TBC1D30: variants seen among roughly 807,000 people sequenced by gnomAD.
TBC1D30 encodes TBC1 domain family member 30, also known as TBC1 domain family, member 30.
In TBC1D30, 31 loss-of-function variants were observed where a neutral mutation model predicts 63.2. The ratio of observed to expected loss-of-function variants is 0.49; its 90% CI spans 0.37 to 0.66. The LOEUF (loss-of-function observed/expected upper bound fraction) is 0.66, where lower values mean the gene tolerates loss of function less well. Among genes scored for constraint, TBC1D30 ranks in the 30% least tolerant of loss-of-function variants. The probability of loss-of-function intolerance (pLI) is 0.00; values close to 1 mark genes in which losing one functional copy is unlikely to be tolerated. For synonymous variants in TBC1D30, 307 were observed against 361.5 expected (o/e 0.85, Z 1.71); for missense variants, 810 against 953.6 (o/e 0.85, Z 1.98).
chr12:64,863,806 T>TA (rs1877989320), intron 8 of TBC1D30, among the ~76,000 whole-genome samples: 1 of 152,182 alleles, frequency 6.6e-6, no homozygotes, highest in African/African-American at 2.4e-5. Flanking sequence ...CCTGCTGAAA[T>TA]AAAAAATACC....
chr12:64,860,792 G>C (rs1449999419), intron 8 of TBC1D30, among the ~76,000 whole-genome samples: 1 of 152,176 alleles, frequency 6.6e-6, no homozygotes, highest in South Asian at 2.1e-4. Flanking sequence ...TGAGCAACTT[G>C]TTGGTTTCTC....
At chr12:64,769,679 C>T (rs1300663657) in intron 1 of TBC1D30, among the ~76,000 whole-genome samples, 1 of 151,656 alleles carries the variant, frequency 6.6e-6, no homozygotes. Context: ...AGCCACCGCA[C>T]CTGGCCTAAT....
chr12:64,775,780 C>T (rs111386256), upstream of TBC1D30, among the ~76,000 whole-genome samples: 6 of 152,164 alleles, frequency 3.9e-5, no homozygotes, highest in Non-Finnish European at 1.5e-5. Context: ...TCAAATGGAC[C>T]TGATAGATAT....
intron 6 of TBC1D30, among the ~76,000 whole-genome samples, chr12:64,838,283 C>G (rs1193035310): frequency 6.6e-6 from 1 of 152,150 alleles, no homozygotes; most frequent in East Asian, 1.9e-4. Context: ...GCAATTTATT[C>G]TTATCAAAGC....
At chr12:64,830,949 C>A (rs1268956192) in intron 4 of TBC1D30, among the ~76,000 whole-genome samples, 1 of 152,170 alleles carries the variant, frequency 6.6e-6, no homozygotes, top group Non-Finnish European at 1.5e-5. Context: ...CAACCAAATA[C>A]TTGTGGGTTC....
chr12:64,787,020 C>T (rs1039777968), intron 2 of TBC1D30, among the ~76,000 whole-genome samples: 7 of 152,032 alleles, frequency 4.6e-5, no homozygotes, highest in African/African-American at 1.7e-4. Context: ...AAAGGCATGT[C>T]CTTTTTCTCT....
intron 2 of TBC1D30, among the ~76,000 whole-genome samples, chr12:64,819,486 G>T (rs933744890): frequency 6.9e-6 from 1 of 144,620 alleles, no homozygotes; most frequent in South Asian, 2.2e-4. Flanking sequence ...GCATGATCTC[G>T]GCTCACTGCA....
intron 2 of TBC1D30, among the ~76,000 whole-genome samples, chr12:64,804,388 G>A (rs1159830746): frequency 6.6e-6 from 1 of 152,180 alleles, no homozygotes; most frequent in East Asian, 1.9e-4. Flanking sequence ...GAGATTTTGG[G>A]CTGAGATGAT....
At chr12:64,783,323 G>A (rs1871386096) in intron 1 of TBC1D30, among the ~76,000 whole-genome samples, 1 of 152,132 alleles carries the variant, frequency 6.6e-6, no homozygotes. Flanking sequence ...TGTGACCTTG[G>A]ACAAGCTATT....
At chr12:64,814,252 G>A (rs1201516811) in intron 2 of TBC1D30, among the ~76,000 whole-genome samples, 1 of 152,070 alleles carries the variant, frequency 6.6e-6, no homozygotes, top group Non-Finnish European at 1.5e-5. Flanking sequence ...GTGCCATGTT[G>A]GCTAGGCTGG....
At chr12:64,820,128 C>T (rs1001526481), upstream of TBC1D30, among the ~76,000 whole-genome samples, 2 of 152,226 alleles carry the variant, frequency 1.3e-5, no homozygotes, top group Admixed American at 6.5e-5. Flanking sequence ...AAGATAAGCA[C>T]GTAGGCCCTT....
At chr12:64,868,079 GA>G in intron 10 of TBC1D30, 1 of 163,594 alleles carries the variant, frequency 6.1e-6, no homozygotes. Context: ...AGGGTCACAG[GA>G]AGTTATTGGC....
chr12:64,873,114 CA>C (rs1210508181), intron 11 of TBC1D30, among the ~76,000 whole-genome samples: 1 of 152,020 alleles, frequency 6.6e-6, no homozygotes, highest in Non-Finnish European at 1.5e-5. Context: ...GAACTAGAGG[CA>C]AAAAGACCTT....
chr12:64,839,254 G>T (rs1354508841), intron 7 of TBC1D30, among the ~76,000 whole-genome samples: 3 of 152,144 alleles, frequency 2.0e-5, no homozygotes, highest in Admixed American at 2.0e-4. Context: ...TGCCTTTCAG[G>T]GCTGTGATAA....
intron 8 of TBC1D30, among the ~76,000 whole-genome samples, chr12:64,850,573 C>T (rs537069440): frequency 7.2e-5 from 11 of 152,254 alleles, no homozygotes; most frequent in East Asian, 1.9e-4. Context: ...TGATGGATTA[C>T]GTTTATTGAT....
chr12:64,802,486 C>G (rs75798270), intron 2 of TBC1D30, among the ~76,000 whole-genome samples: 2,911 of 150,816 alleles, frequency 0.019, 100 homozygotes, highest in African/African-American at 0.065. Flanking sequence ...AATTTTGTTT[C>G]TTTCTTTCTT....
At chr12:64,862,875 G>A (rs1199491050) in intron 8 of TBC1D30, among the ~76,000 whole-genome samples, 1 of 152,150 alleles carries the variant, frequency 6.6e-6, no homozygotes, top group African/African-American at 2.4e-5. Context: ...GATATGTGAT[G>A]GTCAGATAGA....
intron 1 of TBC1D30, 104 bp downstream of exon 1, chr12:64,825,137 A>G: frequency 1.4e-6 from 2 of 1,410,980 alleles, no homozygotes; most frequent in East Asian, 2.6e-5. Context: ...CTCTGGGGAA[A>G]GTCCGCGTGC....
chr12:64,786,550 A>G (rs1347176832), intron 2 of TBC1D30, among the ~76,000 whole-genome samples: 1 of 152,042 alleles, frequency 6.6e-6, no homozygotes, highest in Non-Finnish European at 1.5e-5. Context: ...CAGGCTGGTC[A>G]GGCTGATCTC....
Sources: allele counts gnomAD v4.1 joint callset (sites outside exome capture counted in the v4.1 genomes callset), GRCh38; gene constraint gnomAD v4.1.1; transcripts MANE v1.5; gene names NCBI Gene and HGNC (gene_info 2026-07-23, HGNC 2026-07-21).